Variants in CFAP20DC observed in about 807,000 individuals in gnomAD.
CFAP20DC encodes the protein protein CFAP20DC.
A neutral mutation model predicts 101.7 loss-of-function variants in CFAP20DC; 84 were observed. That is an observed-to-expected ratio of 0.83 (90% CI 0.69 to 0.99). The LOEUF (loss-of-function observed/expected upper bound fraction) is 0.99, where lower values mean the gene tolerates loss of function less well. Among genes scored for constraint, CFAP20DC ranks in the 50% least tolerant of loss-of-function variants. The pLI is 0.00. For synonymous variants in CFAP20DC, 359 were observed against 351.2 expected (o/e 1.02, Z -0.25); for missense variants, 1,007 against 970.3 (o/e 1.04, Z -0.50).
At position 58,724,967 on chromosome 3, in the gene CFAP20DC, G is replaced by T. The variant is rs1374820805; in HGVS notation, c.198-7339C>A. Among the ~76,000 whole-genome samples the T allele has an allele frequency of 1.3e-5, 2 of 152,094 alleles. No homozygotes were observed. Among genetic ancestry groups the T allele is most frequent in the African/African-American group, 4.8e-5 (2 of 41,380 alleles). Reference sequence around the variant, plus strand: ...ATGGAGGTAGGGGAGCAGAGGTTCTGCTATTATTACTTTGGAGGGGACCAC... The same window carrying T: ...ATGGAGGTAGGGGAGCAGAGGTTCTTCTATTATTACTTTGGAGGGGACCAC... On this transcript the variant is annotated intron_variant, in intron 3 of 3. Coordinates refer to the CFAP20DC transcript ENST00000486145. The surrounding 1 kb of genome is among the most constrained non-coding windows in gnomAD (Gnocchi z 5.6).
chr3:58,830,113 G>C (rs2108031140), intron 14 of CFAP20DC, among the ~76,000 whole-genome samples: 1 of 152,260 alleles, frequency 6.6e-6, no homozygotes. Context: ...GGCTGCCAGA[G>C]GTGTTATGTA....
intron 15 of CFAP20DC, among the ~76,000 whole-genome samples, chr3:58,762,616 C>G (rs1344873341): frequency 6.6e-6 from 1 of 152,212 alleles, no homozygotes; most frequent in East Asian, 1.9e-4. Flanking sequence ...TTAGTTGATG[C>G]AGTTTCTTCC....
At chr3:58,820,617 C>G (rs531886213) in intron 14 of CFAP20DC, among the ~76,000 whole-genome samples, 3 of 152,134 alleles carry the variant, frequency 2.0e-5, no homozygotes, top group African/African-American at 7.2e-5. Context: ...GGGAGAACTA[C>G]AAACCACTGC....
At chr3:58,896,644 A>G (rs1199286916) in intron 6 of CFAP20DC, among the ~76,000 whole-genome samples, 1 of 152,184 alleles carries the variant, frequency 6.6e-6, no homozygotes, top group Admixed American at 6.5e-5. Context: ...TTATTTACCT[A>G]AGAGTAACTC....
At chr3:58,891,161 G>A (rs528082307) in intron 6 of CFAP20DC, among the ~76,000 whole-genome samples, 170 of 151,822 alleles carry the variant, frequency 1.1e-3, no homozygotes, top group Non-Finnish European at 2.0e-3. Context: ...ACGAGACTCC[G>A]TCTGCAATCC....
intron 1 of CFAP20DC, 91 bp from the exon 2 acceptor site, chr3:59,047,345 C>A: frequency 3.7e-6 from 3 of 816,804 alleles, no homozygotes; most frequent in South Asian, 3.5e-5. Flanking sequence ...CGGCATCTGT[C>A]AGTTAAGCTG....
intron 5 of CFAP20DC, among the ~76,000 whole-genome samples, chr3:58,925,220 T>C (rs1410080917): frequency 6.6e-6 from 1 of 152,182 alleles, no homozygotes; most frequent in Non-Finnish European, 1.5e-5. Context: ...GACTACTGTG[T>C]TGTTGAGTTT....
At chr3:59,038,798 G>T (rs569334608) in intron 4 of CFAP20DC, among the ~76,000 whole-genome samples, 28 of 152,150 alleles carry the variant, frequency 1.8e-4, no homozygotes, top group Non-Finnish European at 3.4e-4. Flanking sequence ...CTTAGTAAAA[G>T]CAGTATAGAA....
chr3:58,981,063 C>T (rs2092518934), intron 4 of CFAP20DC, among the ~76,000 whole-genome samples: 1 of 152,198 alleles, frequency 6.6e-6, no homozygotes, highest in African/African-American at 2.4e-5. Context: ...ACACCAATAA[C>T]AGACAAACAG....
chr3:58,816,128 A>G (rs1257335157), intron 14 of CFAP20DC, among the ~76,000 whole-genome samples: 3 of 151,872 alleles, frequency 2.0e-5, no homozygotes, highest in Non-Finnish European at 2.9e-5. Flanking sequence ...CAACAATGAT[A>G]GACTGGATTA....
At chr3:58,809,588 C>A (rs989377433) in intron 14 of CFAP20DC, among the ~76,000 whole-genome samples, 1 of 151,910 alleles carries the variant, frequency 6.6e-6, no homozygotes, top group Admixed American at 6.6e-5. Context: ...TAAATGCCCA[C>A]AAGAGAAAGC....
intron 4 of CFAP20DC, among the ~76,000 whole-genome samples, chr3:58,979,880 T>C (rs2092449757): frequency 1.3e-5 from 2 of 152,088 alleles, no homozygotes; most frequent in South Asian, 4.1e-4. Context: ...TTTATGTCTT[T>C]TGTAAAAATC....
At chr3:58,991,485 A>G (rs978930481) in intron 4 of CFAP20DC, among the ~76,000 whole-genome samples, 2 of 152,224 alleles carry the variant, frequency 1.3e-5, no homozygotes, top group African/African-American at 2.4e-5. Context: ...TTCATGGTCT[A>G]TATTTGCTTA....
chr3:58,982,161 C>T lies in CFAP20DC; in HGVS notation c.279-44399G>A, dbSNP rs879277600. Among the ~76,000 whole-genome samples the T allele has an allele frequency of 3.2e-3, 486 of 152,254 alleles. 1 individual carries two copies. Among genetic ancestry groups the T allele is most frequent in the Non-Finnish European group, 4.9e-3 (332 of 68,014 alleles). On this transcript the variant is annotated intron_variant, in intron 4 of 16. Coordinates refer to ENST00000482387, the MANE Select transcript of CFAP20DC (RefSeq NM_001394063.1). Reference sequence around the variant, plus strand: ...TGCAAATCAAAACCACAATGAGATACCACCTCACACCAGTTAGAATGGCAA... The same window carrying T: ...TGCAAATCAAAACCACAATGAGATATCACCTCACACCAGTTAGAATGGCAA...
chr3:58,733,855 A>AT (rs1433930639), intron 3 of CFAP20DC, among the ~76,000 whole-genome samples: 1 of 152,162 alleles, frequency 6.6e-6, no homozygotes, highest in African/African-American at 2.4e-5. Context: ...TAATGGTCCC[A>AT]TTTTTTTCAG....
chr3:58,861,076 A>G lies in CFAP20DC; in HGVS notation c.1593+2482T>C, dbSNP rs540924802. Among the ~76,000 whole-genome samples, 1 of 152,304 alleles carries G rather than the reference A, an allele frequency of 6.6e-6. No individual in the cohort carries two copies. The highest frequency in any genetic ancestry group is 2.4e-5 in the African/African-American group (1 of 41,572). On this transcript the variant is annotated intron_variant, in intron 12 of 16. Transcript: ENST00000482387. This position sits in a 1 kb window ranked among gnomAD's most constrained non-coding sequence, Gnocchi z 4.0. The stretch of plus-strand genomic sequence containing the variant: ...TGTGAATTAATGATTAGCAACTTCA[A>G]TTACAATGACAATGTATTGCTGAAA...
chr3:58,743,230 C>G (rs184413449), intron 16 of CFAP20DC, among the ~76,000 whole-genome samples: 1 of 149,662 alleles, frequency 6.7e-6, no homozygotes, highest in Non-Finnish European at 1.5e-5. Flanking sequence ...CTGTCTAAGT[C>G]ATTATCGAGG....
chr3:58,725,860 AT>A, intron 3 of CFAP20DC: 17 of 192,794 alleles, frequency 8.8e-5, no homozygotes, highest in South Asian at 4.6e-4. Context: ...TCTGGTTTTT[AT>A]TTTTTTGGGG....
chr3:58,763,426 G>A (rs1307497234), intron 15 of CFAP20DC, among the ~76,000 whole-genome samples: 1 of 143,860 alleles, frequency 7.0e-6, no homozygotes, highest in African/African-American at 2.6e-5. Context: ...GGTTATTCTA[G>A]TTAGCCATTC....
Sources: allele counts gnomAD v4.1 joint callset (sites outside exome capture counted in the v4.1 genomes callset), GRCh38; gene constraint gnomAD v4.1.1; non-coding constraint Gnocchi (gnomAD v3.1); transcripts MANE v1.5; gene names NCBI Gene and HGNC (gene_info 2026-07-23, HGNC 2026-07-21).